The following METTL15 variants were observed in gnomAD, a reference collection of about 807,000 sequenced individuals.
The protein encoded by METTL15 is 12S rRNA N(4)-cytidine methyltransferase METTL15.
A neutral mutation model predicts 38.3 loss-of-function variants in METTL15; 34 were observed. That is an observed-to-expected ratio of 0.89 (90% CI 0.68 to 1.18). The LOEUF (loss-of-function observed/expected upper bound fraction) is 1.18. Ranked by LOEUF, METTL15 falls within the 50% of genes most tolerant of loss-of-function variation. METTL15 has a pLI of 0.00. For missense variants in METTL15, 438 were observed against 498.4 expected (o/e 0.88, Z 1.15); for synonymous variants, 162 against 170.9 (o/e 0.95, Z 0.41).
chr11:28,367,321 T>G (rs1300076459), intron 5 of METTL15, among the ~76,000 whole-genome samples: 1 of 151,736 alleles, frequency 6.6e-6, no homozygotes, highest in African/African-American at 2.4e-5. Context: ...CCAGAAAACC[T>G]CTCTAATTAG....
At chr11:28,180,125 G>T (rs1355284234) in intron 3 of METTL15, among the ~76,000 whole-genome samples, 2 of 151,804 alleles carry the variant, frequency 1.3e-5, no homozygotes, top group South Asian at 4.1e-4. Flanking sequence ...AATCTATATT[G>T]TCTTGTCTGA....
At chr11:28,478,829 G>C (rs1851369743) in intron 6 of METTL15, among the ~76,000 whole-genome samples, 1 of 152,150 alleles carries the variant, frequency 6.6e-6, no homozygotes, top group Non-Finnish European at 1.5e-5. Context: ...AAGTGACTTG[G>C]AATGGAAAGG....
Position 28,274,187 on chromosome 11 carries a change from T to A in METTL15, c.408-16019T>A, listed in dbSNP as rs1855754941. On this transcript the variant is annotated intron_variant, in intron 4 of 6. Transcript: ENST00000407364. The stretch of plus-strand genomic sequence containing the variant: ...TTGTGTTTACAGAAGGAATTAATTT[T>A]TCTTACTCTTACTGAACTTAAAAAA... Among the ~76,000 whole-genome samples the A allele has an allele frequency of 2.0e-5, 3 of 152,158 alleles. No homozygotes were observed. In the South Asian group the frequency reaches 6.2e-4, roughly 32 times the overall value.
At chr11:28,299,183 A>G (rs12361167) in intron 6 of METTL15, among the ~76,000 whole-genome samples, 70,436 of 152,020 alleles carry the variant, frequency 0.46, 17,866 homozygotes, top group Admixed American at 0.56. Flanking sequence ...TTGCAGTTCC[A>G]TGAAGTTGAT....
intron 6 of METTL15, among the ~76,000 whole-genome samples, chr11:28,430,835 T>C (rs868316615): frequency 0.22 from 7,583 of 33,916 alleles, 1,057 homozygotes; most frequent in Admixed American, 0.32. Context: ...GCCAGCCGCC[T>C]GGTCCGGGAG....
At chr11:28,153,900 C>T (rs577119780) in intron 3 of METTL15, among the ~76,000 whole-genome samples, 2 of 152,006 alleles carry the variant, frequency 1.3e-5, no homozygotes, top group East Asian at 1.9e-4. Flanking sequence ...ATGAGCTAAG[C>T]GCAGAAATTG....
At chr11:28,457,102 A>G (rs1186607440) in intron 6 of METTL15, among the ~76,000 whole-genome samples, 1 of 152,194 alleles carries the variant, frequency 6.6e-6, no homozygotes, top group African/African-American at 2.4e-5. Flanking sequence ...ATGTTACTGC[A>G]ACTATTCTTG....
chr11:28,454,278 G>A (rs986432755), intron 6 of METTL15, among the ~76,000 whole-genome samples: 1 of 152,158 alleles, frequency 6.6e-6, no homozygotes, highest in African/African-American at 2.4e-5. Flanking sequence ...CTTGACATCT[G>A]CCACCCTCGG....
At chr11:28,168,096 T>C (rs1285287103) in intron 3 of METTL15, among the ~76,000 whole-genome samples, 1 of 152,102 alleles carries the variant, frequency 6.6e-6, no homozygotes, top group Non-Finnish European at 1.5e-5. Flanking sequence ...TTTTTTACTT[T>C]CTTTTTCTTT....
chr11:28,318,316 C>CTAG (rs1849340786), intron 6 of METTL15, among the ~76,000 whole-genome samples: 1 of 151,812 alleles, frequency 6.6e-6, no homozygotes, highest in Non-Finnish European at 1.5e-5. Flanking sequence ...CCTTTACAGC[C>CTAG]TAGTGGAGGT....
intron 3 of METTL15, among the ~76,000 whole-genome samples, chr11:28,130,530 C>A (rs1852718512): frequency 6.6e-6 from 1 of 152,044 alleles, no homozygotes; most frequent in African/African-American, 2.4e-5. Context: ...CATGTGAGTA[C>A]TGGATCTTTA....
intron 6 of METTL15, among the ~76,000 whole-genome samples, chr11:28,449,821 A>G (rs924879140): frequency 6.6e-6 from 1 of 152,164 alleles, no homozygotes; most frequent in African/African-American, 2.4e-5. Context: ...CAGGATGAAA[A>G]GGGAGAAGAG....
At chr11:28,209,888 T>C (rs1852551086) in intron 3 of METTL15, among the ~76,000 whole-genome samples, 1 of 152,046 alleles carries the variant, frequency 6.6e-6, no homozygotes, top group Non-Finnish European at 1.5e-5. Flanking sequence ...TGTTTAGATA[T>C]TTTTAAATCT....
rs983004601 is a variant in METTL15, at chr11:28,361,578, T to G, written c.*259-359T>G. ...TTACTCTTACTCTAGCTAGATTTGGTTTTTGTTATCTCTAAATGAGGAGTT... is the reference window on the plus strand; with the variant it reads ...TTACTCTTACTCTAGCTAGATTTGGGTTTTGTTATCTCTAAATGAGGAGTT... On this transcript the variant is annotated intron_variant and NMD_transcript_variant, in intron 4 of 7. Transcript: ENST00000532947. Among the ~76,000 whole-genome samples, 9 of 152,286 alleles carry G rather than the reference T, an allele frequency of 5.9e-5. No individual in the cohort carries two copies. In the South Asian group the frequency reaches 1.9e-3, roughly 32 times the overall value.
At chr11:28,270,007 A>T (rs888574413) in intron 4 of METTL15, among the ~76,000 whole-genome samples, 3 of 152,204 alleles carry the variant, frequency 2.0e-5, no homozygotes, top group Admixed American at 1.3e-4. Context: ...AACTAACTTC[A>T]GTCAGTTTAG....
At chr11:28,180,379 A>T (rs1851239296) in intron 3 of METTL15, among the ~76,000 whole-genome samples, 1 of 151,846 alleles carries the variant, frequency 6.6e-6, no homozygotes, top group Non-Finnish European at 1.5e-5. Flanking sequence ...TTGTTGTGAA[A>T]CTAGAGCTGT....
At chr11:28,264,527 C>A (rs1855334712) in intron 4 of METTL15, among the ~76,000 whole-genome samples, 1 of 151,998 alleles carries the variant, frequency 6.6e-6, no homozygotes, top group Non-Finnish European at 1.5e-5. Context: ...TTACATGTCA[C>A]CTGATTATCA....
chr11:28,127,360 T>TA (rs919697585), intron 3 of METTL15, among the ~76,000 whole-genome samples: 26 of 150,898 alleles, frequency 1.7e-4, no homozygotes, highest in South Asian at 8.4e-4. Context: ...CTAGGTTGCT[T>TA]AAAAAAAAAT....
chr11:28,346,848 A>G (rs906790530), intron 3 of METTL15, among the ~76,000 whole-genome samples: 7 of 152,182 alleles, frequency 4.6e-5, no homozygotes, highest in Non-Finnish European at 8.8e-5. Flanking sequence ...AGAATTATGT[A>G]TTATTGAGGT....
Sources: allele counts gnomAD v4.1 joint callset (sites outside exome capture counted in the v4.1 genomes callset), GRCh38; gene constraint gnomAD v4.1.1; transcripts MANE v1.5; gene names NCBI Gene and HGNC (gene_info 2026-07-23, HGNC 2026-07-21).